CIRSR: variants seen among roughly 807,000 people sequenced by gnomAD.
CIRSR encodes CBF1 (RBPJ) interacting corepressor 1.
chr2:174,361,100 T>C, the CIRSR span, among the ~76,000 whole-genome samples: 5 of 152,320 alleles, frequency 3.3e-5, no homozygotes, highest in African/African-American at 1.2e-4. Flanking sequence ...CGATCAACTA[T>C]ATATTATAAA....
chr2:174,369,646 C>T, the CIRSR span, among the ~76,000 whole-genome samples: 2 of 152,136 alleles, frequency 1.3e-5, no homozygotes, highest in African/African-American at 2.4e-5. Context: ...ACTTAGAGGC[C>T]ACTGTATGGT....
the CIRSR span, among the ~76,000 whole-genome samples, chr2:174,378,249 G>A: frequency 6.6e-6 from 1 of 152,166 alleles, no homozygotes; most frequent in African/African-American, 2.4e-5. Flanking sequence ...AGGAGCTGAA[G>A]TTCATAAAAG....
chr2:174,394,776 T>C, the CIRSR span, among the ~76,000 whole-genome samples: 3 of 152,230 alleles, frequency 2.0e-5, no homozygotes, highest in African/African-American at 7.2e-5. Context: ...CAAGTTTCTA[T>C]GTAGGGGCAA....
the CIRSR span, among the ~76,000 whole-genome samples, chr2:174,355,976 T>C: frequency 4.0e-4 from 61 of 152,246 alleles, no homozygotes; most frequent in Middle Eastern, 3.4e-3. Context: ...CATTCTTTTC[T>C]TTAGCCAGGA....
the CIRSR span, among the ~76,000 whole-genome samples, chr2:174,382,594 G>A: frequency 1.6e-4 from 24 of 152,136 alleles, no homozygotes; most frequent in African/African-American, 5.1e-4. Flanking sequence ...AGCCGAGATC[G>A]TGCCACTGGA....
At chr2:174,350,743 C>G in the CIRSR span, 4 of 1,601,308 alleles carry the variant, frequency 2.5e-6, no homozygotes, top group Admixed American at 6.8e-5. Flanking sequence ...TTGCAACATA[C>G]TCCTGAGTCA....
At chr2:174,366,552 C>T in the CIRSR span, among the ~76,000 whole-genome samples, 91,271 of 152,048 alleles carry the variant, frequency 0.6, 29,366 homozygotes, top group East Asian at 0.8. Context: ...TTAAAAGAAG[C>T]TCCTTAGTGA....
the CIRSR span, among the ~76,000 whole-genome samples, chr2:174,350,047 T>G: frequency 6.6e-6 from 1 of 152,146 alleles, no homozygotes; most frequent in Non-Finnish European, 1.5e-5. Flanking sequence ...AATAGGACAA[T>G]CCTATTAAAA....
the CIRSR span, among the ~76,000 whole-genome samples, chr2:174,395,254 A>T: frequency 6.6e-6 from 1 of 152,226 alleles, no homozygotes; most frequent in Non-Finnish European, 1.5e-5. Flanking sequence ...AAAAAACCAG[A>T]ATCAGCTGAA....
At chr2:174,361,914 T>G in the CIRSR span, among the ~76,000 whole-genome samples, 243 of 152,330 alleles carry the variant, frequency 1.6e-3, no homozygotes, top group African/African-American at 5.5e-3. Flanking sequence ...ATTTTGAATT[T>G]GAAATTTACT....
chr2:174,355,691 T>C, the CIRSR span, among the ~76,000 whole-genome samples: 1 of 152,182 alleles, frequency 6.6e-6, no homozygotes, highest in Admixed American at 6.5e-5. Context: ...GTAAAGCGCT[T>C]AATCTACTCA....
At chr2:174,372,883 C>T in the CIRSR span, among the ~76,000 whole-genome samples, 3 of 152,092 alleles carry the variant, frequency 2.0e-5, no homozygotes, top group Non-Finnish European at 4.4e-5. Flanking sequence ...AGCCTGGCCT[C>T]TCTTTTACTG....
chr2:174,351,443 A>T, the CIRSR span, among the ~76,000 whole-genome samples: 4 of 152,226 alleles, frequency 2.6e-5, no homozygotes, highest in African/African-American at 9.6e-5. Context: ...TTTATAAACA[A>T]TTTCTCATTT....
the CIRSR span, among the ~76,000 whole-genome samples, chr2:174,357,860 G>GT: frequency 6.6e-6 from 1 of 152,184 alleles, no homozygotes; most frequent in South Asian, 2.1e-4. Context: ...TATTAATAAA[G>GT]TGTGTGGGTG....
At chr2:174,348,549 AT>A in the CIRSR span, 1 of 1,613,706 alleles carries the variant, frequency 6.2e-7, no homozygotes, top group Non-Finnish European at 8.5e-7. Flanking sequence ...CTCTCTGTAC[AT>A]TTTTTCTCCT....
chr2:174,382,829 TTCAG>T, the CIRSR span, among the ~76,000 whole-genome samples: 3 of 152,096 alleles, frequency 2.0e-5, no homozygotes, highest in African/African-American at 4.8e-5. Context: ...GAATGACTGG[TTCAG>T]TCAAAGTTTT....
At chr2:174,395,145 T>C in the CIRSR span, among the ~76,000 whole-genome samples, 1 of 152,172 alleles carries the variant, frequency 6.6e-6, no homozygotes, top group Non-Finnish European at 1.5e-5. Flanking sequence ...ACTAGATTAT[T>C]AGGTAATTTT....
At chr2:174,353,966 A>G in the CIRSR span, among the ~76,000 whole-genome samples, 1 of 152,062 alleles carries the variant, frequency 6.6e-6, no homozygotes, top group African/African-American at 2.4e-5. Context: ...CACTCCAATA[A>G]AGGGTCACAA....
At chr2:174,348,792 G>T in the CIRSR span, 2 of 1,614,046 alleles carry the variant, frequency 1.2e-6, no homozygotes, top group Non-Finnish European at 1.7e-6. Flanking sequence ...GTCAGAATCA[G>T]AATGGCTCCA....
Sources: allele counts gnomAD v4.1 joint callset (sites outside exome capture counted in the v4.1 genomes callset), GRCh38; gene constraint gnomAD v4.1.1; transcripts MANE v1.5; gene names NCBI Gene and HGNC (gene_info 2026-07-23, HGNC 2026-07-21).